GART: variants seen among roughly 807,000 people sequenced by gnomAD.
GART encodes the protein trifunctional purine biosynthetic protein adenosine-3.
In GART, 43 loss-of-function variants were observed where a neutral mutation model predicts 107.2. The ratio of observed to expected loss-of-function variants is 0.40; its 90% CI spans 0.31 to 0.52. The LOEUF is 0.52. Among genes scored for constraint, GART ranks in the 20% least tolerant of loss-of-function variants. The pLI is 0.52. For missense variants in GART, 1,107 were observed against 1,206.5 expected, an observed-to-expected ratio of 0.92 and a Z score of 1.22; for synonymous variants, 434 against 427.0, an observed-to-expected ratio of 1.02 and a Z score of -0.20.
At chr21:33,521,793 C>G (rs1356577955) in intron 12 of GART, among the ~76,000 whole-genome samples, 1 of 151,656 alleles carries the variant, frequency 6.6e-6, no homozygotes, top group Non-Finnish European at 1.5e-5. Flanking sequence ...AATCATGTCT[C>G]TACAAAAATA....
chr21:33,518,663 G>C, intron 14 of GART: 1 of 428,332 alleles, frequency 2.3e-6, no homozygotes, highest in Non-Finnish European at 4.6e-6. Context: ...TTCTTCAGAA[G>C]TTGACTCAAT....
intron 10 of GART, among the ~76,000 whole-genome samples, chr21:33,525,964 G>A (rs1192883908): frequency 2.0e-5 from 3 of 150,210 alleles, no homozygotes; most frequent in Non-Finnish European, 3.0e-5. Flanking sequence ...CCTCCTCCCA[G>A]GTTCACGCCA....
chr21:33,531,014 G>C, intron 6 of GART, 130 bp from the exon 7 acceptor site: 3 of 702,060 alleles, frequency 4.3e-6, no homozygotes, highest in Non-Finnish European at 6.1e-6. Flanking sequence ...GCAGAGAAAT[G>C]AACCGAAACG....
At chr21:33,513,494 C>T (rs556521390) in intron 16 of GART, among the ~76,000 whole-genome samples, 135 of 152,098 alleles carry the variant, frequency 8.9e-4, no homozygotes, top group Non-Finnish European at 6.6e-4. Flanking sequence ...CACTTGAACC[C>T]GGGAGGTGGA....
chr21:33,511,365 C>G lies in GART; in HGVS notation c.2201G>C (p.Gly734Ala), dbSNP rs763121690. The G allele has an allele frequency of 6.2e-7, 1 of 1,614,130 alleles. No homozygotes were observed. Among genetic ancestry groups the G allele is most frequent in the Non-Finnish European group, 8.5e-7 (1 of 1,180,026 alleles). The change falls in exon 17 of 22, where the codon GGG (glycine) becomes GCG (alanine). Residue 734 changes from glycine to alanine, a missense_variant. Transcript: ENST00000381815. ...TGATACCACAAGGACAGCGCCAACC[C>G]CACAGTTAAATGTTCTGGCCATCTC... ...EEEMARTFNC[G>A]VGAVLVVSKE...
chr21:33,504,249 C>T lies in GART; in HGVS notation c.2908G>A (p.Ala970Thr), dbSNP rs781248889. Residue 970 changes from alanine (A) to threonine (T), a missense_variant, in exon 22 of 22, where the codon GCA becomes ACA. Physicochemically the swap from Ala to Thr is moderately conservative, Grantham distance 58 (BLOSUM62 0). Transcript: ENST00000381815. ...AATTTTACTCTTTCAGAAAGAGTTG[C>T]GACAGTATCACCCCTCTTCACGGGA... ...AVPVKRGDTV[A>T]TLSERVKLAE... is the part of the protein sequence containing the mutation. 19 of 1,613,992 alleles carry T rather than the reference C, an allele frequency of 1.2e-5. No homozygotes were observed. Among genetic ancestry groups the T allele is most frequent in the African/African-American group, 5.3e-5 (4 of 74,912 alleles).
chr21:33,530,922 T>C (rs758687243), intron 6 of GART, 38 bp from the exon 7 acceptor site: 2 of 1,491,012 alleles, frequency 1.3e-6, no homozygotes, highest in Non-Finnish European at 1.8e-6. Flanking sequence ...ATGTTAACTG[T>C]CAAAAACTAA....
rs1185070126 is a variant in GART, at chr21:33,511,280, C to A, written c.2286G>T (p.Val762=). 3.7e-6 allele frequency: 6 copies of A among 1,614,060 alleles called. No homozygotes were observed. Among genetic ancestry groups the A allele is most frequent in the Non-Finnish European group, 5.1e-6 (6 of 1,180,042 alleles). ...CAGCTCGTGCAACCACACTGCCAAT[C>A]ACCCAGGCTTCTTCCTTGTGCTGCT... is the stretch of plus-strand genomic sequence containing the variant. ...DIQQHKEEAW[V]IGSVVARAEG... is the part of the protein sequence containing the mutation. Residue 762 remains valine (V), a synonymous_variant, in exon 17 of 22, where the codon GTG becomes GTT. Coordinates refer to ENST00000381815, the MANE Select transcript of GART (RefSeq NM_000819.5).
At chr21:33,523,607 T>G (rs1330508561) in intron 11 of GART, among the ~76,000 whole-genome samples, 5 of 152,168 alleles carry the variant, frequency 3.3e-5, no homozygotes, top group Non-Finnish European at 7.3e-5. Context: ...GGTAAAAAAA[T>G]TTTGTCTTAA....
At chr21:33,504,601 A>G in intron 20 of GART, 74 bp from the exon 21 acceptor site, 1 of 1,053,836 alleles carries the variant, frequency 9.5e-7, no homozygotes, top group Non-Finnish European at 1.4e-6. Flanking sequence ...ACGTTTTCCT[A>G]TCTAGATCCG....
intron 18 of GART, among the ~76,000 whole-genome samples, chr21:33,508,467 C>A (rs1170908942): frequency 6.6e-6 from 1 of 151,630 alleles, no homozygotes; most frequent in Admixed American, 6.6e-5. Context: ...AATTTTCAAC[C>A]CTCACCTCTT....
chr21:33,526,098 T>C (rs538305423), intron 10 of GART, among the ~76,000 whole-genome samples: 6 of 152,240 alleles, frequency 3.9e-5, no homozygotes, highest in South Asian at 2.1e-4. Flanking sequence ...CTCGATCTCC[T>C]GACCTTGCGA....
At position 33,517,492 on chromosome 21, in the gene GART, C is replaced by T. The variant is rs372112153; in HGVS notation, c.1819G>A (p.Glu607Lys). The T allele has an allele frequency of 5.0e-6, 8 of 1,614,112 alleles. No individual in the cohort carries two copies. Among genetic ancestry groups the T allele is most frequent in the Non-Finnish European group, 5.9e-6 (7 of 1,180,050 alleles). The change falls in exon 15 of 22, where the codon GAG (glutamate) becomes AAG (lysine). Residue 607 changes from glutamate to lysine, a missense_variant. By Grantham distance (56) the Glu-to-Lys change is moderately conservative. Coordinates refer to ENST00000381815, the MANE Select transcript of GART (RefSeq NM_000819.5). ...QKLPHLERIT[E>K]GDVVVGIASS... ...GCTATTCCAACAACAACATCACCCTCAGTGATTCTTTCCAGGTGAGGGAGT... is the reference window on the plus strand; with the variant it reads ...GCTATTCCAACAACAACATCACCCTTAGTGATTCTTTCCAGGTGAGGGAGT...
chr21:33,523,911 G>A, intron 11 of GART: 1 of 639,218 alleles, frequency 1.6e-6, no homozygotes, highest in Non-Finnish European at 1.9e-6. Context: ...AGGTTGCAGT[G>A]AGGCGAGATC....
rs201258059 is a variant in GART, at chr21:33,539,305, C to T, written c.11G>A (p.Arg4Gln). MAA[R>Q]VLIIGSGGRE... ...TCCTCCACTGCCAATTATAAGTACT[C>T]GGGCTGCCATTGTTCTGTCTGTAAA... is the stretch of plus-strand genomic sequence containing the variant. The change falls in exon 2 of 22, where the codon CGA becomes CAA. Residue 4 changes from arginine (R) to glutamine (Q), a missense_variant. Arg to Gln is a conservative substitution (Grantham distance 43, BLOSUM62 1). Transcript: ENST00000381815. 25 of 1,612,400 alleles carry T rather than the reference C, an allele frequency of 1.6e-5. No homozygotes were observed. Among genetic ancestry groups the T allele is most frequent in the African/African-American group, 5.3e-5 (4 of 74,878 alleles).
chr21:33,528,522 G>A lies in GART; in HGVS notation c.894C>T (p.Cys298=), dbSNP rs1250202409. Residue 298 remains cysteine (C), a synonymous_variant, in exon 9 of 22, where the codon TGC becomes TGT. Transcript: ENST00000381815. ...EFNCRFGDPE[C]QVILPLLKSD... ...ATACTTTGATATTTTTACCCACTTG[G>A]CACTCTGGATCACCAAAACGGCAAT... 2 of 1,602,104 alleles carry A rather than the reference G, an allele frequency of 1.2e-6. No individual in the cohort carries two copies. The highest frequency in any genetic ancestry group is 3.5e-5 in the Admixed American group (2 of 57,234).
chr21:33,507,135 T>C (rs2084696256), intron 18 of GART, among the ~76,000 whole-genome samples: 1 of 152,152 alleles, frequency 6.6e-6, no homozygotes, highest in African/African-American at 2.4e-5. Context: ...TAGCCAAGAT[T>C]TGGAAGCAAC....
intron 11 of GART, 127 bp downstream of exon 11, chr21:33,524,642 C>T: frequency 1.4e-6 from 2 of 1,463,072 alleles, no homozygotes; most frequent in Non-Finnish European, 1.8e-6. Flanking sequence ...AAATACAAAC[C>T]AAGACTGTAT....
In GART at chr21:33,509,904, T is replaced by C. The variant is rs935486086; in HGVS notation, c.2331A>G (p.Lys777=). 1.9e-6 allele frequency: 3 copies of C among 1,612,512 alleles called. No individual in the cohort carries two copies. The African/African-American group carries it at 4.0e-5, about 22-fold the overall frequency. Residue 777 remains lysine, a synonymous_variant, in exon 18 of 22, where the codon AAA becomes AAG. Coordinates refer to ENST00000381815, the MANE Select transcript of GART (RefSeq NM_000819.5). Reference sequence around the variant, plus strand: ...GCATGCTTTCAATCAGATTCTTGACTTTCACACGTGGGGAACCTTCATTTC... The same window carrying C: ...GCATGCTTTCAATCAGATTCTTGACCTTCACACGTGGGGAACCTTCATTTC... ...VARAEGSPRV[K]VKNLIESMQI...
Sources: gnomAD v4.1 joint callset for allele counts (sites outside exome capture counted in the v4.1 genomes callset) on GRCh38, gnomAD v4.1.1 for gene constraint, MANE v1.5 for transcripts, NCBI Gene and HGNC (gene_info 2026-07-23, HGNC 2026-07-21) for gene names.